Variants in TXNRD3 observed in about 807,000 individuals in gnomAD.
TXNRD3 encodes thioredoxin reductase 3, also known as TXNRD3 neighbor gene protein.
In TXNRD3, 68 loss-of-function variants were observed where a neutral mutation model predicts 78.2. The ratio of observed to expected loss-of-function variants is 0.87; its 90% CI spans 0.72 to 1.06. The LOEUF is 1.06. TXNRD3 is among the 50% of genes least tolerant of loss of function. The pLI, the probability that TXNRD3 is intolerant of heterozygous loss-of-function variation, is 0.00. For missense variants in TXNRD3, 751 were observed against 809.5 expected (o/e 0.93, Z 0.88); for synonymous variants, 296 against 300.1 (o/e 0.99, Z 0.14).
At chr3:126,626,813 G>T (rs1938589392) in intron 10 of TXNRD3, among the ~76,000 whole-genome samples, 1 of 152,170 alleles carries the variant, frequency 6.6e-6, no homozygotes, top group South Asian at 2.1e-4. Flanking sequence ...TATGTTGGCT[G>T]GGAGCAGTGG....
At chr3:126,629,059 A>T (rs994391974) in intron 10 of TXNRD3, among the ~76,000 whole-genome samples, 1 of 152,114 alleles carries the variant, frequency 6.6e-6, no homozygotes, top group Non-Finnish European at 1.5e-5. Flanking sequence ...TCATTATAAA[A>T]TATATTCAAT....
In TXNRD3 at chr3:126,630,768, C is replaced by A; in HGVS notation, c.1141G>T (p.Gly381Cys). The A allele has an allele frequency of 2.0e-6, 3 of 1,534,520 alleles. No individual in the cohort carries two copies. Among genetic ancestry groups the A allele is most frequent in the Non-Finnish European group, 2.6e-6 (3 of 1,146,854 alleles). ...ACACCATGCTGCTCCATGTAGGAAC[C>A]CACTTTTTCTGCCATTTCTTGGTCG... is the stretch of plus-strand genomic sequence containing the variant. The change falls in exon 9 of 16, where the codon GGT becomes TGT. Residue 381 changes from glycine to cysteine, a missense_variant. Transcript: ENST00000524230.
At chr3:126,646,334 AGT>A in intron 2 of TXNRD3, 114 bp from the exon 3 acceptor site, 1 of 693,130 alleles carries the variant, frequency 1.4e-6, no homozygotes, top group Non-Finnish European at 2.2e-6. Context: ...ATAACAGGTC[AGT>A]GTGTTATATA....
intron 1 of TXNRD3, among the ~76,000 whole-genome samples, chr3:126,653,430 T>C (rs1010085059): frequency 6.6e-6 from 1 of 152,230 alleles, no homozygotes; most frequent in Non-Finnish European, 1.5e-5. Context: ...CGCTATATAA[T>C]TTCACAGAAG....
chr3:126,630,580 T>C, intron 9 of TXNRD3, 132 bp downstream of exon 9: 1 of 970,196 alleles, frequency 1.0e-6, no homozygotes, highest in Admixed American at 2.3e-5. Context: ...TGGGGTTGGC[T>C]CTGTAGACTT....
intron 1 of TXNRD3, among the ~76,000 whole-genome samples, chr3:126,650,281 G>A (rs370341656): frequency 2.8e-4 from 42 of 152,276 alleles, no homozygotes; most frequent in South Asian, 1.9e-3. Context: ...CAGGTCAGAC[G>A]CTGCTCACAA....
Position 126,646,194 on chromosome 3 carries a change from G to C in TXNRD3, c.331C>G (p.Leu111Val), listed in dbSNP as rs1338660834. ...GTTTTCTGATTAGTGATTTCTGACA[G>C]CACTTCTTGAACCCTGGCCCCATCA... is the stretch of plus-strand genomic sequence containing the variant. The change falls in exon 3 of 16, where the codon CTG (leucine) becomes GTG (valine). Residue 111 changes from leucine (L) to valine (V), a missense_variant. Coordinates refer to ENST00000524230, the MANE Select transcript of TXNRD3 (RefSeq NM_052883.3). 2 of 1,534,372 alleles carry C rather than the reference G, an allele frequency of 1.3e-6. No individual in the cohort carries two copies. Among genetic ancestry groups the C allele is most frequent in the Non-Finnish European group, 1.7e-6 (2 of 1,146,318 alleles).
intron 12 of TXNRD3, among the ~76,000 whole-genome samples, chr3:126,620,133 A>C (rs186650309): frequency 2.6e-5 from 4 of 152,178 alleles, no homozygotes; most frequent in African/African-American, 9.6e-5. Context: ...GTCTCAACTA[A>C]AAACACAAAA....
chr3:126,625,694 G>A (rs891371450), intron 10 of TXNRD3, among the ~76,000 whole-genome samples: 4 of 152,078 alleles, frequency 2.6e-5, no homozygotes, highest in Non-Finnish European at 4.4e-5. Context: ...TGGGTCAAAT[G>A]GTATTTCTAG....
chr3:126,649,638 C>T (rs1933325501), intron 1 of TXNRD3, among the ~76,000 whole-genome samples: 1 of 152,198 alleles, frequency 6.6e-6, no homozygotes, highest in Admixed American at 6.5e-5. Context: ...GTGTTATATA[C>T]ATACAGTGGA....
In TXNRD3 at chr3:126,619,902, A is replaced by AAGGC. The variant is rs1401983780; in HGVS notation, c.1524+1836_1524+1839dup. Among the ~76,000 whole-genome samples the AAGGC allele has an allele frequency of 1.4e-4, 22 of 152,328 alleles. No individual in the cohort carries two copies. The East Asian group carries it at 3.9e-3, about 27-fold the overall frequency. ...TCACTGTCATAGAAAATAAAAAACA[A>AAGGC]AGGCAGGGGGACTGTGTCAGATTAA... On this transcript the variant is annotated intron_variant, in intron 12 of 15. Transcript: ENST00000524230.
intron 3 of TXNRD3, among the ~76,000 whole-genome samples, chr3:126,645,511 T>C (rs1470564733): frequency 1.3e-5 from 2 of 152,128 alleles, no homozygotes; most frequent in Non-Finnish European, 2.9e-5. Flanking sequence ...AAAATATAAT[T>C]CTTAATTAAA....
chr3:126,640,425 C>A (rs1179494958), intron 6 of TXNRD3, among the ~76,000 whole-genome samples: 1 of 151,514 alleles, frequency 6.6e-6, no homozygotes, highest in East Asian at 1.9e-4. Flanking sequence ...TGTTTTCTAT[C>A]TCAGTGAACA....
chr3:126,642,699 A>C (rs1396815955), intron 5 of TXNRD3, among the ~76,000 whole-genome samples: 1 of 152,242 alleles, frequency 6.6e-6, no homozygotes, highest in East Asian at 1.9e-4. Context: ...GGAGGAGAAA[A>C]AGAGGAAAGA....
chr3:126,628,140 T>C (rs926480850), intron 10 of TXNRD3, among the ~76,000 whole-genome samples: 11 of 152,178 alleles, frequency 7.2e-5, no homozygotes, highest in African/African-American at 2.4e-4. Flanking sequence ...TTCTTAAATA[T>C]ACAAAACAAC....
chr3:126,642,306 C>T (rs1047353319), intron 5 of TXNRD3, among the ~76,000 whole-genome samples, 155 bp from the exon 6 acceptor site: 2 of 152,196 alleles, frequency 1.3e-5, no homozygotes, highest in Non-Finnish European at 2.9e-5. Flanking sequence ...CCCAAATTTT[C>T]CAACTACGGG....
chr3:126,617,331 T>G (rs1444864430), intron 12 of TXNRD3, among the ~76,000 whole-genome samples: 1 of 152,220 alleles, frequency 6.6e-6, no homozygotes, highest in Non-Finnish European at 1.5e-5. Flanking sequence ...GCAACTGCTC[T>G]GCCGACATAC....
Position 126,631,749 on chromosome 3 carries a change from TCTATTTA to T in TXNRD3, c.971+8_971+14del. ...TTTATTAACATTAAAGTTAAAATAGTCTATTTAACCTTACCTAGTAATACAGTATTCT... is the reference window on the plus strand; with the variant it reads ...TTTATTAACATTAAAGTTAAAATAGTACCTTACCTAGTAATACAGTATTCT... On this transcript the variant is annotated splice_region_variant and intron_variant, in intron 8 of 15. Transcript: ENST00000524230. The T allele has an allele frequency of 7.2e-7, 1 of 1,397,216 alleles. No individual in the cohort carries two copies. Among genetic ancestry groups the T allele is most frequent in the Non-Finnish European group, 9.8e-7 (1 of 1,021,890 alleles). 86.6% of individuals were successfully genotyped at this position (1,397,216 alleles called of 1,614,324 possible).
chr3:126,608,845 C>T (rs1447131525), intron 14 of TXNRD3, among the ~76,000 whole-genome samples: 1 of 152,140 alleles, frequency 6.6e-6, no homozygotes, highest in East Asian at 1.9e-4. Context: ...TTAATTTGCA[C>T]TCAAATTTAC....
Sources: gnomAD v4.1 joint callset for allele counts (sites outside exome capture counted in the v4.1 genomes callset) on GRCh38, gnomAD v4.1.1 for gene constraint, MANE v1.5 for transcripts, NCBI Gene and HGNC (gene_info 2026-07-23, HGNC 2026-07-21) for gene names.